The following SPAG9 variants were observed in gnomAD, a reference collection of about 807,000 sequenced individuals.
SPAG9 encodes the protein sperm associated antigen 9, also known as C-Jun-amino-terminal kinase-interacting protein 4.
SPAG9 carries 35 observed loss-of-function variants against 166.5 expected under a neutral mutation model. That is an observed-to-expected ratio of 0.21 (90% confidence interval 0.16 to 0.28). The LOEUF is 0.28. Ranked by LOEUF, SPAG9 falls within the 10% of genes least tolerant of loss-of-function variation. The pLI, the probability that SPAG9 is intolerant of heterozygous loss-of-function variation, is 1.00. For missense variants in SPAG9, 1,235 were observed against 1,603.3 expected (o/e 0.77, Z 3.92); for synonymous variants, 534 against 565.5 (o/e 0.94, Z 0.79).
intron 5 of SPAG9, among the ~76,000 whole-genome samples, chr17:51,038,402 T>G (rs2046703358): frequency 6.6e-6 from 1 of 152,144 alleles, no homozygotes; most frequent in Non-Finnish European, 1.5e-5. Context: ...GTGTTTGCCA[T>G]GGGGAATCCT....
chr17:51,071,336 C>T (rs1253557057), intron 2 of SPAG9, among the ~76,000 whole-genome samples: 1 of 152,156 alleles, frequency 6.6e-6, no homozygotes, highest in Non-Finnish European at 1.5e-5. Flanking sequence ...AAGTTGATTA[C>T]ACTCCTTACA....
chr17:51,047,001 A>G (rs887513392), intron 4 of SPAG9: 452 of 1,260,696 alleles, frequency 3.6e-4, no homozygotes, highest in Non-Finnish European at 4.5e-4. Flanking sequence ...CACCAAACAG[A>G]TGGCTAGCTA....
intron 25 of SPAG9, among the ~76,000 whole-genome samples, chr17:50,981,407 T>C (rs1277627964): frequency 6.6e-6 from 1 of 151,580 alleles, no homozygotes; most frequent in East Asian, 1.9e-4. Context: ...GATGGATGGA[T>C]GGATGGATGG....
intron 5 of SPAG9, among the ~76,000 whole-genome samples, chr17:51,038,672 C>T (rs2046714565): frequency 6.6e-6 from 1 of 152,126 alleles, no homozygotes; most frequent in South Asian, 2.1e-4. Context: ...TTCCTCAACA[C>T]GTACTCCTCC....
chr17:50,972,872 G>A (rs1171723975), intron 28 of SPAG9, among the ~76,000 whole-genome samples: 3 of 152,210 alleles, frequency 2.0e-5, no homozygotes, highest in Non-Finnish European at 4.4e-5. Context: ...AACCAGAATG[G>A]TTTAATCTTT....
At chr17:51,113,353 CAAAA>C (rs34917845) in intron 1 of SPAG9, among the ~76,000 whole-genome samples, 1 of 95,908 alleles carries the variant, frequency 1.0e-5, no homozygotes, top group Non-Finnish European at 2.1e-5. Context: ...AATGCCATAT[CAAAA>C]AAAAAAAAAA....
intron 5 of SPAG9, chr17:51,032,042 CTAT>C: frequency 2.2e-6 from 1 of 462,832 alleles, no homozygotes; most frequent in South Asian, 1.8e-5. Context: ...GTCCCTTTGA[CTAT>C]TTAACATGCT....
At chr17:51,061,298 G>T (rs2047507893) in intron 2 of SPAG9, among the ~76,000 whole-genome samples, 1 of 152,108 alleles carries the variant, frequency 6.6e-6, no homozygotes, top group Non-Finnish European at 1.5e-5. Flanking sequence ...GCATTGCTTT[G>T]TGTCAAATGT....
Position 51,079,654 on chromosome 17 carries a change from C to G in SPAG9, c.354G>C (p.Gln118His), listed in dbSNP as rs561604563. ...GAGATTCTAAAGATTCCACTCGGGT[C>G]TGTAAGTCCTTTTTTTCCTGTTCTT... The part of the protein sequence containing the change: ...DSQEQEKKDL[Q>H]TRVESLESQT... The change falls in exon 2 of 30, where the codon CAG becomes CAC. Residue 118 changes from glutamine (Q) to histidine (H), a missense_variant. By Grantham distance (24) the Gln-to-His change is conservative. Transcript: ENST00000262013. The G allele has an allele frequency of 6.2e-7, 1 of 1,608,140 alleles. No individual in the cohort carries two copies. The highest frequency in any genetic ancestry group is 1.1e-5 in the South Asian group (1 of 90,918).
chr17:51,094,504 T>C (rs1448438707), intron 1 of SPAG9, among the ~76,000 whole-genome samples: 2 of 152,184 alleles, frequency 1.3e-5, no homozygotes, highest in African/African-American at 2.4e-5. Context: ...TATTAAAGTA[T>C]GAATTGACGA....
At chr17:50,970,964 T>C (rs141879017) in intron 28 of SPAG9, 108 bp from the exon 29 acceptor site, 1 of 878,566 alleles carries the variant, frequency 1.1e-6, no homozygotes, top group Non-Finnish European at 1.7e-6. Context: ...AAATATATTC[T>C]AATAACCAAA....
Position 51,083,228 on chromosome 17 carries a change from T to C in SPAG9, c.304-3524A>G, listed in dbSNP as rs376771852. ...CATAAGCTTGAGTTGGTTTTTCTTTTTTCTTTTTTTTTTTTTTCTTTTTTG... is the reference window on the plus strand; with the variant it reads ...CATAAGCTTGAGTTGGTTTTTCTTTCTTCTTTTTTTTTTTTTTCTTTTTTG... On this transcript the variant is annotated intron_variant, in intron 1 of 29. Coordinates refer to ENST00000262013, the MANE Select transcript of SPAG9 (RefSeq NM_001130528.3). Among the ~76,000 whole-genome samples, 6 of 151,526 alleles carry C rather than the reference T, an allele frequency of 4.0e-5. No individual in the cohort carries two copies. The East Asian group carries it at 1.2e-3, about 29-fold the overall frequency.
chr17:50,995,456 A>G lies in SPAG9; in HGVS notation c.2046T>C (p.Asp682=), dbSNP rs1481600746. The part of the protein sequence containing the change: ...PVYLRPLDEK[D]TSMKLWCAVG... ...ACAATGAACTTACCTTCATTGATGT[A>G]TCTTTTTCATCCAGAGGTCTGAGAT... is the stretch of plus-strand genomic sequence containing the variant. The change falls in exon 17 of 30, where the codon GAT becomes GAC. Residue 682 remains aspartate (D), a synonymous_variant. Coordinates refer to ENST00000262013, the MANE Select transcript of SPAG9 (RefSeq NM_001130528.3). The G allele has an allele frequency of 6.2e-7, 1 of 1,606,366 alleles. No homozygotes were observed. Among genetic ancestry groups the G allele is most frequent in the South Asian group, 1.1e-5 (1 of 90,720 alleles).
At chr17:51,010,743 G>C (rs940732435) in intron 9 of SPAG9, among the ~76,000 whole-genome samples, 1 of 151,842 alleles carries the variant, frequency 6.6e-6, no homozygotes, top group African/African-American at 2.4e-5. Flanking sequence ...AGCAGCCTTG[G>C]GGGACAGAAC....
At chr17:50,990,367 A>T in intron 20 of SPAG9, 83 bp downstream of exon 20, 1 of 1,040,330 alleles carries the variant, frequency 9.6e-7, no homozygotes, top group Non-Finnish European at 1.5e-6. Context: ...CTTGTTACTT[A>T]AGATCTAAAT....
At chr17:50,992,704 T>G (rs1975692767) in intron 19 of SPAG9, among the ~76,000 whole-genome samples, 2 of 151,838 alleles carry the variant, frequency 1.3e-5, no homozygotes, top group African/African-American at 2.4e-5. Flanking sequence ...AAAAATGTGT[T>G]AAGAGGGTAG....
chr17:51,030,200 C>G (rs958294980), intron 6 of SPAG9, among the ~76,000 whole-genome samples: 1 of 152,168 alleles, frequency 6.6e-6, no homozygotes, highest in Admixed American at 6.5e-5. Flanking sequence ...GGCATTGCAG[C>G]ATAACTATTT....
At chr17:51,051,444 G>C (rs2047181756) in intron 3 of SPAG9, among the ~76,000 whole-genome samples, 1 of 152,164 alleles carries the variant, frequency 6.6e-6, no homozygotes, top group African/African-American at 2.4e-5. Context: ...GGGAGACTGG[G>C]TGCTGTGGCT....
chr17:50,991,761 T>C (rs989869564), intron 19 of SPAG9, among the ~76,000 whole-genome samples: 1 of 151,680 alleles, frequency 6.6e-6, no homozygotes, highest in Admixed American at 6.6e-5. Flanking sequence ...GTAGCTGCGA[T>C]TACAAGCGCC....
Sources: allele counts gnomAD v4.1 joint callset (sites outside exome capture counted in the v4.1 genomes callset), GRCh38; gene constraint gnomAD v4.1.1; transcripts MANE v1.5; gene names NCBI Gene and HGNC (gene_info 2026-07-23, HGNC 2026-07-21).